Variants in DUOX1 observed in about 807,000 individuals in gnomAD.
DUOX1 encodes the protein NADPH thyroid oxidase 1.
In DUOX1, 134 loss-of-function variants were observed where a neutral mutation model predicts 181.8. That is an observed-to-expected ratio of 0.74 (90% CI 0.64 to 0.85). The LOEUF (loss-of-function observed/expected upper bound fraction) is 0.85. DUOX1 is among the 40% of genes least tolerant of loss of function. The probability of loss-of-function intolerance (pLI) is 0.00; values close to 1 mark genes in which losing one functional copy is unlikely to be tolerated. For synonymous variants in DUOX1, 798 were observed against 832.5 expected (o/e 0.96, Z 0.71); for missense variants, 1,814 against 2,064.4 (o/e 0.88, Z 2.35).
chr15:45,142,091 AC>A lies in DUOX1; in HGVS notation c.1804del (p.Leu602SerfsTer7), dbSNP rs747126592. On this transcript the variant is annotated frameshift_variant, in exon 15 of 34. Coordinates refer to ENST00000389037, the MANE Select transcript of DUOX1 (RefSeq NM_175940.3). LOFTEE classifies it high-confidence loss of function. The part of the protein sequence containing the change: ...SGFGFGVTIG[T>X]LCCFPLVSLL... ...ATTTGGCTTCGGGGTCACCATCGGG[AC>A]CCTCTGTTGCTTCCCTTTGGGTAAA... 1 of 1,613,702 alleles carries A rather than the reference AC, an allele frequency of 6.2e-7. No individual in the cohort carries two copies. Among genetic ancestry groups the A allele is most frequent in the Non-Finnish European group, 8.5e-7 (1 of 1,179,920 alleles).
At chr15:45,156,109 T>A (rs138530786) in intron 28 of DUOX1, among the ~76,000 whole-genome samples, 180 bp downstream of exon 28, 5 of 152,184 alleles carry the variant, frequency 3.3e-5, no homozygotes, top group Non-Finnish European at 7.3e-5. Flanking sequence ...ATGACCCCAA[T>A]ATGCAGCACT....
chr15:45,145,003 G>T lies in DUOX1; in HGVS notation c.2245G>T (p.Glu749Ter), dbSNP rs1171654246. The change falls in exon 18 of 34, where the codon GAG (glutamate) becomes TAG (stop). Residue 749 changes from glutamate (E) to a stop codon, truncating the protein, a stop_gained. Transcript: ENST00000389037. LOFTEE classifies it high-confidence loss of function. ...SIQEWELREQ[E>*]LMRAAVTREQ... is the part of the protein sequence containing the mutation. ...CCAGGAGTGGGAGCTGCGGGAGCAG[G>T]AGCTGATGAGAGCAGCTGTGACACG... 2 of 1,614,050 alleles carry T rather than the reference G, an allele frequency of 1.2e-6. No homozygotes were observed. Among genetic ancestry groups the T allele is most frequent in the African/African-American group, 2.7e-5 (2 of 74,934 alleles).
Position 45,141,005 on chromosome 15 carries a change from C to G in DUOX1, c.1500C>G (p.Ile500Met), listed in dbSNP as rs767254275. 6.2e-7 allele frequency: 1 copy of G among 1,614,090 alleles called. No individual in the cohort carries two copies. Among genetic ancestry groups the G allele is most frequent in the African/African-American group, 1.3e-5 (1 of 74,934 alleles). Residue 500 changes from isoleucine (I) to methionine (M), a missense_variant, in exon 13 of 34, where the codon ATC (isoleucine) becomes ATG (methionine). Physicochemically the swap from Ile to Met is conservative, Grantham distance 10. Around this residue, in one of 5 missense-constraint regions of DUOX1, gnomAD observed 1,064 missense variants for 1,152.9 expected, o/e 0.92. Transcript: ENST00000389037. ...ACCCTGGACCTCTGTTCAGCACCAT[C>G]GTCCTTGAACAATTTGTGCGGCTAC... ...HRDPGPLFST[I>M]VLEQFVRLRD...
chr15:45,135,220 G>T lies in DUOX1; in HGVS notation c.424G>T (p.Val142Leu). The T allele has an allele frequency of 6.2e-7, 1 of 1,613,590 alleles. No individual in the cohort carries two copies. The highest frequency in any genetic ancestry group is 8.5e-7 in the Non-Finnish European group (1 of 1,180,002). Reference sequence around the variant, plus strand: ...GTTCGACCCCGACCAGCGCGGGGACGTGGTGCTGCCCTTCCAGAGAAGCCG... The same window carrying T: ...GTTCGACCCCGACCAGCGCGGGGACTTGGTGCTGCCCTTCCAGAGAAGCCG... ...PMFDPDQRGDVVLPFQRSRWD... is the reference protein window; with the variant it reads ...PMFDPDQRGDLVLPFQRSRWD... Residue 142 changes from valine to leucine, a missense_variant, in exon 5 of 34, where the codon GTG becomes TTG. Transcript: ENST00000389037.
At chr15:45,140,604 C>A (rs909064279) in intron 12 of DUOX1, 13 of 302,326 alleles carry the variant, frequency 4.3e-5, no homozygotes, top group Non-Finnish European at 6.1e-5. Flanking sequence ...CTGATTTTGT[C>A]CCTTCAACTT....
intron 10 of DUOX1, 60 bp downstream of exon 10, chr15:45,138,074 G>T: frequency 1.0e-6 from 1 of 994,116 alleles, no homozygotes. Flanking sequence ...ATGTGTGTGT[G>T]TGTATGTGTG....
Position 45,135,212 on chromosome 15 carries a change from G to T in DUOX1, c.416G>T (p.Arg139Leu). 1 of 1,613,634 alleles carries T rather than the reference G, an allele frequency of 6.2e-7. No individual in the cohort carries two copies. Among genetic ancestry groups the T allele is most frequent in the Non-Finnish European group, 8.5e-7 (1 of 1,180,000 alleles). ...GACCCCATGTTCGACCCCGACCAGC[G>T]CGGGGACGTGGTGCTGCCCTTCCAG... ...PGDPMFDPDQ[R>L]GDVVLPFQRS... Residue 139 changes from arginine to leucine, a missense_variant, in exon 5 of 34, where the codon CGC becomes CTC. By Grantham distance (102) the Arg-to-Leu change is moderately radical. Around this residue, in one of 5 missense-constraint regions of DUOX1, gnomAD observed 320 missense variants for 313.1 expected, o/e 1.02. Transcript: ENST00000389037.
At position 45,141,312 on chromosome 15, in the gene DUOX1, T is replaced by A. The variant is rs761471897; in HGVS notation, c.1586T>A (p.Ile529Asn). ...CTTAGGCTGTTCTCCAAGAAGGAGA[T>A]TGAAGAAATCCGAAATACCACCCTG... ...TRNGLFSKKE[I>N]EEIRNTTLQD... is the part of the protein sequence containing the mutation. The change falls in exon 14 of 34, where the codon ATT (isoleucine) becomes AAT (asparagine). Residue 529 changes from isoleucine (I) to asparagine (N), a missense_variant. Ile to Asn is a moderately radical substitution (Grantham distance 149). Around this residue, in one of 5 missense-constraint regions of DUOX1, gnomAD observed 1,064 missense variants for 1,152.9 expected, o/e 0.92. Transcript: ENST00000389037. The A allele has an allele frequency of 3.1e-6, 5 of 1,614,076 alleles. No homozygotes were observed. The highest frequency in any genetic ancestry group is 1.7e-5 in the Admixed American group (1 of 60,004).
rs368507749 is a variant in DUOX1 at position 45,135,500 on chromosome 15, C to T, written c.522C>T (p.Asp174=). ...CCAACCAGGTGACGGGCTGGCTGGACGGCAGCGCCATCTATGGTTCCTCGC... is the reference window on the plus strand; with the variant it reads ...CCAACCAGGTGACGGGCTGGCTGGATGGCAGCGCCATCTATGGTTCCTCGC... ...DPANQVTGWL[D]GSAIYGSSHS... is the part of the protein sequence containing the mutation. Residue 174 remains aspartate (D), a synonymous_variant, in exon 6 of 34, where the codon GAC becomes GAT. Transcript: ENST00000389037. The T allele has an allele frequency of 8.3e-6, 13 of 1,556,940 alleles. No homozygotes were observed. Among genetic ancestry groups the T allele is most frequent in the African/African-American group, 8.2e-5 (6 of 73,478 alleles).
In DUOX1 at chr15:45,136,562, CAG is replaced by C; in HGVS notation, c.962_963del (p.Glu321ValfsTer6). On this transcript the variant is annotated frameshift_variant, in exon 9 of 34. Coordinates refer to ENST00000389037, the MANE Select transcript of DUOX1 (RefSeq NM_175940.3). LOFTEE classifies it high-confidence loss of function. Reference sequence around the variant, plus strand: ...CCATTTCTGGACCCCAGCATCTCCTCAGAGTTCGTGGCGGCCTCTGAGCAGTT... The same window carrying C: ...CCATTTCTGGACCCCAGCATCTCCTCAGTTCGTGGCGGCCTCTGAGCAGTT... The C allele has an allele frequency of 6.2e-7, 1 of 1,614,192 alleles. No individual in the cohort carries two copies. Among genetic ancestry groups the C allele is most frequent in the Non-Finnish European group, 8.5e-7 (1 of 1,180,030 alleles).
rs1221596554 is a variant in DUOX1 at position 45,144,130 on chromosome 15, G to A, written c.2031G>A (p.Val677=). 2.5e-6 allele frequency: 4 copies of A among 1,613,898 alleles called. No individual in the cohort carries two copies. Among genetic ancestry groups the A allele is most frequent in the African/African-American group, 2.7e-5 (2 of 74,944 alleles). Residue 677 remains valine (V), a synonymous_variant, in exon 17 of 34, where the codon GTG becomes GTA. Transcript: ENST00000389037. Reference sequence around the variant, plus strand: ...GTGTGGTAGATGGCAGGCTCACCGTGCTCCGCACCATCCAGCTGCAGCCTC... The same window carrying A: ...GTGTGGTAGATGGCAGGCTCACCGTACTCCGCACCATCCAGCTGCAGCCTC... ...QIRVVDGRLT[V]LRTIQLQPPQ...
chr15:45,139,706 A>G lies in DUOX1; in HGVS notation c.1389+107A>G, dbSNP rs570988875. The G allele has an allele frequency of 2.7e-4, 332 of 1,238,514 alleles. 3 individuals carry two copies. The South Asian group carries it at 5.0e-3, about 19-fold the overall frequency. 76.7% of individuals were successfully genotyped at this position (1,238,514 alleles called of 1,614,324 possible). ...CTTGAGCACAAGAGACAAGCACCTA[A>G]TGGGAGGGGCAGGGCTTACCCAGAT... On this transcript the variant is annotated intron_variant, in intron 12 of 33. Coordinates refer to ENST00000389037, the MANE Select transcript of DUOX1 (RefSeq NM_175940.3).
Position 45,147,953 on chromosome 15 carries a change from TG to T in DUOX1, c.2601del (p.Asn868MetfsTer13). 2 of 1,614,140 alleles carry T rather than the reference TG, an allele frequency of 1.2e-6. No homozygotes were observed. Among genetic ancestry groups the T allele is most frequent in the Non-Finnish European group, 1.7e-6 (2 of 1,179,988 alleles). ...RLMFRMYDFDGNGLISKDEFI... is the reference protein window; with the variant it reads ...RLMFRMYDFDXNGLISKDEFI... Reference sequence around the variant, plus strand: ...TTATGTTCCGCATGTACGACTTTGATGGGAATGGCCTCATTTCCAAGGATGA... The same window carrying T: ...TTATGTTCCGCATGTACGACTTTGATGGAATGGCCTCATTTCCAAGGATGA... On this transcript the variant is annotated frameshift_variant, in exon 20 of 34. Transcript: ENST00000389037. LOFTEE classifies it high-confidence loss of function.
At chr15:45,152,111 G>C in intron 24 of DUOX1, 59 bp downstream of exon 24, 1 of 1,580,478 alleles carries the variant, frequency 6.3e-7, no homozygotes, top group Non-Finnish European at 8.6e-7. Context: ...TGATCGCCCT[G>C]GGGGTGGGGC....
rs770478676 is a variant in DUOX1 at position 45,155,902 on chromosome 15, C to G, written c.3675C>G (p.His1225Gln). ...RRSFRGFWLT[H>Q]HLYILLYVLL... is the part of the protein sequence containing the mutation. Reference sequence around the variant, plus strand: ...GTTTCCGGGGCTTCTGGCTGACCCACCACCTCTACATCCTGCTCTATGTCC... The same window carrying G: ...GTTTCCGGGGCTTCTGGCTGACCCAGCACCTCTACATCCTGCTCTATGTCC... The change falls in exon 28 of 34, where the codon CAC (histidine) becomes CAG (glutamine). Residue 1225 changes from histidine to glutamine, a missense_variant. This residue lies in a region of DUOX1 where 279 missense variants were observed against 381.9 expected (regional missense o/e 0.73). Coordinates refer to ENST00000389037, the MANE Select transcript of DUOX1 (RefSeq NM_175940.3). 1.2e-6 allele frequency: 2 copies of G among 1,614,196 alleles called. No individual in the cohort carries two copies. The highest frequency in any genetic ancestry group is 1.3e-5 in the African/African-American group (1 of 75,040).
In DUOX1 at chr15:45,150,702, G is replaced by A; in HGVS notation, c.2888+1G>A. ...CCTACATCAGCCAGGATATGATCTG[G>A]TGAGCACCCATCTGGGAATGTCGGG... On this transcript the variant is annotated splice_donor_variant, in intron 22 of 33. Coordinates refer to ENST00000389037, the MANE Select transcript of DUOX1 (RefSeq NM_175940.3). LOFTEE classifies it high-confidence loss of function. 1 of 1,613,982 alleles carries A rather than the reference G, an allele frequency of 6.2e-7. No homozygotes were observed. Among genetic ancestry groups the A allele is most frequent in the Non-Finnish European group, 8.5e-7 (1 of 1,179,988 alleles).
chr15:45,134,572 G>A (rs1217567846), intron 4 of DUOX1, among the ~76,000 whole-genome samples: 2 of 152,158 alleles, frequency 1.3e-5, no homozygotes, highest in Admixed American at 6.5e-5. Context: ...ATCCCTCCTC[G>A]TTGGGTTGTT....
chr15:45,130,860 C>T (rs562554530), intron 1 of DUOX1, among the ~76,000 whole-genome samples: 4 of 152,302 alleles, frequency 2.6e-5, no homozygotes, highest in East Asian at 1.9e-4. Flanking sequence ...AGGGAAGGAC[C>T]GCTGTGGCTA....
At position 45,153,414 on chromosome 15, in the gene DUOX1, C is replaced by A; in HGVS notation, c.3459C>A (p.Tyr1153Ter). ...LHSVGHVVNV[Y>*]LFSISPLSVL... ...GTGTGGGCCATGTGGTGAATGTGTACCTGTTCTCCATCAGCCCCCTCAGCG... is the reference window on the plus strand; with the variant it reads ...GTGTGGGCCATGTGGTGAATGTGTAACTGTTCTCCATCAGCCCCCTCAGCG... The change falls in exon 26 of 34, where the codon TAC becomes TAA. Residue 1153 changes from tyrosine (Y) to a stop codon, truncating the protein, a stop_gained. Coordinates refer to ENST00000389037, the MANE Select transcript of DUOX1 (RefSeq NM_175940.3). LOFTEE classifies it high-confidence loss of function. The A allele has an allele frequency of 1.2e-6, 2 of 1,613,528 alleles. No individual in the cohort carries two copies. Among genetic ancestry groups the A allele is most frequent in the South Asian group, 2.2e-5 (2 of 91,064 alleles).
Sources: gnomAD v4.1 joint callset for allele counts (sites outside exome capture counted in the v4.1 genomes callset) on GRCh38, gnomAD v4.1.1 for gene constraint, gnomAD v4.1.1 regional missense constraint, MANE v1.5 for transcripts, NCBI Gene and HGNC (gene_info 2026-07-23, HGNC 2026-07-21) for gene names.